The following TSKS variants were observed in gnomAD, a reference collection of about 807,000 sequenced individuals.
TSKS encodes the protein testis specific serine kinase substrate.
A neutral mutation model predicts 68.0 loss-of-function variants in TSKS; 27 were observed. The observed-to-expected ratio is 0.40, with a 90% CI of 0.29 to 0.55. TSKS has a LOEUF of 0.55. Ranked by LOEUF, TSKS falls within the 20% of genes least tolerant of loss-of-function variation. The pLI is 0.53. For missense variants in TSKS, 806 were observed against 776.0 expected, an observed-to-expected ratio of 1.04 and a Z score of -0.46; for synonymous variants, 331 against 340.4, an observed-to-expected ratio of 0.97 and a Z score of 0.30.
intron 5 of TSKS, chr19:49,747,069 C>T: frequency 1.4e-6 from 2 of 1,426,948 alleles, no homozygotes; most frequent in South Asian, 2.6e-5. Flanking sequence ...GTCCCGGCCA[C>T]TTGGCAAGAA....
At chr19:49,745,498 T>C (rs968612288) in intron 6 of TSKS, 102 bp from the exon 7 acceptor site, 210 of 1,019,722 alleles carry the variant, frequency 2.1e-4, no homozygotes, top group Non-Finnish European at 2.7e-4. Context: ...CTCGCCCCAC[T>C]GAGACCATGC....
At chr19:49,742,262 A>G (rs546385887) in intron 8 of TSKS, among the ~76,000 whole-genome samples, 4 of 152,076 alleles carry the variant, frequency 2.6e-5, no homozygotes, top group Admixed American at 2.0e-4. Flanking sequence ...CAGTGGCGCA[A>G]TCTTGGCTCA....
chr19:49,739,792 G>C lies in TSKS; in HGVS notation c.1763C>G (p.Ser588Ter), dbSNP rs1417075118. The C allele has an allele frequency of 1.3e-6, 2 of 1,485,254 alleles. No individual in the cohort carries two copies. The highest frequency in any genetic ancestry group is 1.1e-5 in the South Asian group (1 of 87,678). The allele number at this position is 1,485,254 out of a possible 1,614,324, so 92.0% of individuals were successfully genotyped here. ...SAGTPPKQGG[S>*]APEQ is the part of the protein sequence containing the mutation. ...AGAGGCCATTTATTGTTCAGGGGCT[G>C]AGCCCCCCTGTTTTGGGGGGGTTCC... The change falls in exon 11 of 11, where the codon TCA (serine) becomes TGA (stop). Residue 588 changes from serine to a stop codon, truncating the protein, a stop_gained. Coordinates refer to ENST00000246801, the MANE Select transcript of TSKS (RefSeq NM_021733.2). LOFTEE classifies it high-confidence loss of function.
Position 49,762,235 on chromosome 19 carries a change from G to A in TSKS, c.171-3C>T. The A allele has an allele frequency of 6.2e-7, 1 of 1,612,500 alleles. No individual in the cohort carries two copies. On this transcript the variant is annotated splice_polypyrimidine_tract_variant and splice_region_variant and intron_variant, in intron 1 of 10. Coordinates refer to ENST00000246801, the MANE Select transcript of TSKS (RefSeq NM_021733.2). ...GATGGGACATCTGGGGCTCCACCCT[G>A]CAGAGAAGAAACAGGCAGAAAAGTG...
chr19:49,748,236 G>C (rs2084319316), intron 3 of TSKS, 68 bp from the exon 4 acceptor site: 7 of 1,585,138 alleles, frequency 4.4e-6, no homozygotes, highest in African/African-American at 2.7e-5. Context: ...AGAAGATCTG[G>C]GCCTGGGAAG....
Position 49,741,981 on chromosome 19 carries a change from C to T in TSKS, c.1401G>A (p.Leu467=). Residue 467 remains leucine (L), a synonymous_variant, in exon 9 of 11, where the codon CTG becomes CTA. Transcript: ENST00000246801. ...CTAGTGAGGTCAGTGCTCGGTCCAGCAGCTGCTGCAGGGACTCCGTAGACA... is the reference window on the plus strand; with the variant it reads ...CTAGTGAGGTCAGTGCTCGGTCCAGTAGCTGCTGCAGGGACTCCGTAGACA... The part of the protein sequence containing the change: ...SQLSTESLQQ[L]LDRALTSLVD... 1 of 1,614,186 alleles carries T rather than the reference C, an allele frequency of 6.2e-7. No homozygotes were observed. The highest frequency in any genetic ancestry group is 8.5e-7 in the Non-Finnish European group (1 of 1,180,040).
At chr19:49,743,731 A>ACCATCTG (rs1027797094) in intron 8 of TSKS, among the ~76,000 whole-genome samples, 11 of 149,442 alleles carry the variant, frequency 7.4e-5, no homozygotes, top group Non-Finnish European at 1.5e-4. Context: ...TGATCTCCTG[A>ACCATCTG]CCTTGTGATC....
At position 49,753,487 on chromosome 19, in the gene TSKS, G is replaced by A. The variant is rs532341898; in HGVS notation, c.400-5018C>T. On this transcript the variant is annotated intron_variant, in intron 2 of 10. Coordinates refer to ENST00000246801, the MANE Select transcript of TSKS (RefSeq NM_021733.2). ...TGAGGCAGGAGAATGGTGTGAACCC[G>A]GGAGGCGGAGCTTGCAGTGAGCCGA... is the stretch of plus-strand genomic sequence containing the variant. Among the ~76,000 whole-genome samples the A allele has an allele frequency of 1.3e-4, 19 of 151,568 alleles. No individual in the cohort carries two copies. The East Asian group carries it at 1.6e-3, about 12-fold the overall frequency.
chr19:49,761,755 G>C (rs35408835), intron 2 of TSKS, among the ~76,000 whole-genome samples: 1 of 152,048 alleles, frequency 6.6e-6, no homozygotes, highest in South Asian at 2.1e-4. Context: ...CTTGAGCCCA[G>C]GAGTTTGAGA....
chr19:49,753,000 T>C (rs1442214838), intron 2 of TSKS, among the ~76,000 whole-genome samples: 1 of 152,250 alleles, frequency 6.6e-6, no homozygotes, highest in African/African-American at 2.4e-5. Context: ...GATTTTGTTG[T>C]TGTTCCAGTT....
Position 49,756,367 on chromosome 19 carries a change from G to C in TSKS, c.399+5637C>G, listed in dbSNP as rs374746124. Among the ~76,000 whole-genome samples, 9 of 152,198 alleles carry C rather than the reference G, an allele frequency of 5.9e-5. 1 individual carries two copies. The highest frequency in any genetic ancestry group is 3.3e-4 in the Admixed American group (5 of 15,256). ...TCAGCTCCTTGGGATGCTGAGGTGG[G>C]AGGACTGTTTGAGCCCAGGAGGTTG... is the stretch of plus-strand genomic sequence containing the variant. On this transcript the variant is annotated intron_variant, in intron 2 of 10. Coordinates refer to ENST00000246801, the MANE Select transcript of TSKS (RefSeq NM_021733.2).
intron 2 of TSKS, among the ~76,000 whole-genome samples, chr19:49,755,095 C>G (rs550230970): frequency 1.3e-4 from 19 of 151,958 alleles, no homozygotes; most frequent in African/African-American, 4.6e-4. Flanking sequence ...GACTCCGTCT[C>G]AAAAAAGAAA....
chr19:49,750,539 A>G (rs541520611), intron 2 of TSKS, among the ~76,000 whole-genome samples: 32 of 152,154 alleles, frequency 2.1e-4, no homozygotes, highest in South Asian at 4.1e-4. Context: ...TTACAGGCGT[A>G]AGCCACCGTG....
chr19:49,761,853 A>C, intron 2 of TSKS, 151 bp downstream of exon 2: 1 of 626,904 alleles, frequency 1.6e-6, no homozygotes, highest in Non-Finnish European at 2.8e-6. Flanking sequence ...TCAGAGAAGG[A>C]GGAGGCAGTT....
At position 49,748,376 on chromosome 19, in the gene TSKS, G is replaced by T. The variant is rs139474271; in HGVS notation, c.493C>A (p.Gln165Lys). ...NRVNQHVQSL[Q>K]SECSVLSENL... The stretch of plus-strand genomic sequence containing the variant: ...TTGGATATAGGGGGTCCTCACACCT[G>T]CAGAGACTGCACGTGCTGGTTAACC... Residue 165 changes from glutamine (Q) to lysine (K), a missense_variant and splice_region_variant, in exon 3 of 11, where the codon CAG (glutamine) becomes AAG (lysine). Physicochemically the swap from Gln to Lys is moderately conservative, Grantham distance 53. Coordinates refer to ENST00000246801, the MANE Select transcript of TSKS (RefSeq NM_021733.2). 9 of 1,613,892 alleles carry T rather than the reference G, an allele frequency of 5.6e-6. No individual in the cohort carries two copies. In the African/African-American group the frequency reaches 1.2e-4, roughly 22 times the overall value.
chr19:49,744,165 T>A, intron 8 of TSKS, 66 bp downstream of exon 8: 1 of 1,536,408 alleles, frequency 6.5e-7, no homozygotes, highest in Non-Finnish European at 8.9e-7. Context: ...TAATGTCCCA[T>A]CTCCTTCCGC....
chr19:49,750,044 C>G (rs552117537), intron 2 of TSKS, among the ~76,000 whole-genome samples: 1 of 151,776 alleles, frequency 6.6e-6, no homozygotes, highest in Admixed American at 6.6e-5. Context: ...TCTCATTTCA[C>G]TGGAATGCAC....
In TSKS at chr19:49,742,763, C is replaced by T. The variant is rs953826449; in HGVS notation, c.1362-743G>A. ...TCCTCCCACTTGGCCTCCCAAAGTG[C>T]TGGGATTACAGGCGTAAGCCACCAC... On this transcript the variant is annotated intron_variant, in intron 8 of 10. Transcript: ENST00000246801. Among the ~76,000 whole-genome samples, 4 of 152,126 alleles carry T rather than the reference C, an allele frequency of 2.6e-5. No homozygotes were observed. The East Asian group carries it at 7.7e-4, about 29-fold the overall frequency.
At position 49,740,132 on chromosome 19, in the gene TSKS, A is replaced by C. The variant is rs374371638; in HGVS notation, c.1549T>G (p.Ser517Ala). 1.2e-6 allele frequency: 2 copies of C among 1,613,978 alleles called. No homozygotes were observed. The highest frequency in any genetic ancestry group is 1.7e-6 in the Non-Finnish European group (2 of 1,180,038). The change falls in exon 10 of 11, where the codon TCC (serine) becomes GCC (alanine). Residue 517 changes from serine (S) to alanine (A), a missense_variant. Physicochemically the swap from Ser to Ala is moderately conservative, Grantham distance 99 (BLOSUM62 1). Transcript: ENST00000246801. ...AKHVRAEALS[S>A]TLRLAQDEAL... is the part of the protein sequence containing the mutation. ...TCGTCTTGGGCCAGCCGAAGGGTGG[A>C]GCTCAGGGCCTCTGCCCTGACGTGT...
Sources: allele counts gnomAD v4.1 joint callset (sites outside exome capture counted in the v4.1 genomes callset), GRCh38; gene constraint gnomAD v4.1.1; transcripts MANE v1.5; gene names NCBI Gene and HGNC (gene_info 2026-07-23, HGNC 2026-07-21).